The following DSCAML1 variants were observed in gnomAD, a reference collection of about 807,000 sequenced individuals.
DSCAML1 encodes cell adhesion molecule DSCAML1.
DSCAML1 carries 38 observed loss-of-function variants against 200.5 expected under a neutral mutation model. The ratio of observed to expected loss-of-function variants is 0.19; its 90% CI spans 0.15 to 0.25. The LOEUF is 0.25. Among genes scored for constraint, DSCAML1 ranks in the 10% least tolerant of loss-of-function variants. The pLI is 1.00. For synonymous variants in DSCAML1, 1,215 were observed against 1,165.0 expected (o/e 1.04, Z -0.87); for missense variants, 2,223 against 2,858.8 (o/e 0.78, Z 5.07).
chr11:117,776,986 G>A, intron 2 of DSCAML1, 49 bp from the exon 3 acceptor site: 1 of 1,602,912 alleles, frequency 6.2e-7, no homozygotes. Flanking sequence ...CAAGGATGTG[G>A]TGAGGGTCCC....
chr11:117,443,168 C>T (rs890474432), intron 21 of DSCAML1, among the ~76,000 whole-genome samples: 1 of 152,212 alleles, frequency 6.6e-6, no homozygotes, highest in African/African-American at 2.4e-5. Context: ...AGTAGAGGAC[C>T]TGCGGTCCTG....
chr11:117,698,859 C>G (rs982250199), intron 3 of DSCAML1, among the ~76,000 whole-genome samples: 5 of 152,216 alleles, frequency 3.3e-5, no homozygotes, highest in Non-Finnish European at 7.3e-5. Flanking sequence ...GCAGCCCAGA[C>G]AGCGGGATGC....
chr11:117,709,538 T>C (rs921665855), intron 3 of DSCAML1, among the ~76,000 whole-genome samples: 4 of 151,564 alleles, frequency 2.6e-5, no homozygotes, highest in African/African-American at 9.7e-5. Flanking sequence ...ATTGCGGGGG[T>C]TGGGGGGAGT....
At chr11:117,575,878 AAAAC>A (rs1565800082) in intron 3 of DSCAML1, among the ~76,000 whole-genome samples, 2 of 146,130 alleles carry the variant, frequency 1.4e-5, no homozygotes, top group Non-Finnish European at 3.1e-5. Flanking sequence ...AAAACAAAAC[AAAAC>A]AAACAAAAAA....
At chr11:117,594,365 C>G (rs1236573683) in intron 3 of DSCAML1, among the ~76,000 whole-genome samples, 1 of 152,196 alleles carries the variant, frequency 6.6e-6, no homozygotes, top group African/African-American at 2.4e-5. Flanking sequence ...CCCTCAGTCA[C>G]TCTGACACCC....
chr11:117,539,565 G>A (rs919139008), intron 3 of DSCAML1, among the ~76,000 whole-genome samples: 11 of 128,560 alleles, frequency 8.6e-5, no homozygotes, highest in African/African-American at 2.5e-4. Flanking sequence ...CTGAGATCAC[G>A]CCATTGCACT....
At chr11:117,584,963 T>C (rs1028139966) in intron 3 of DSCAML1, among the ~76,000 whole-genome samples, 3 of 152,202 alleles carry the variant, frequency 2.0e-5, no homozygotes, top group Non-Finnish European at 4.4e-5. Flanking sequence ...CAATACATAT[T>C]AGCTCTTATG....
At chr11:117,736,082 C>A (rs2054310625) in intron 3 of DSCAML1, among the ~76,000 whole-genome samples, 1 of 152,154 alleles carries the variant, frequency 6.6e-6, no homozygotes, top group Admixed American at 6.5e-5. Context: ...ACAAATCACC[C>A]CAAGACTCAG....
intron 11 of DSCAML1, among the ~76,000 whole-genome samples, chr11:117,499,373 C>G (rs1432046602): frequency 6.6e-6 from 1 of 152,132 alleles, no homozygotes; most frequent in African/African-American, 2.4e-5. Flanking sequence ...TGGAAGGGAA[C>G]TGGGGTCATC....
In DSCAML1 at chr11:117,797,018, C is replaced by T; in HGVS notation, c.46+16G>A. On this transcript the variant is annotated intron_variant, in intron 1 of 32. Coordinates refer to ENST00000651296, the MANE Select transcript of DSCAML1 (RefSeq NM_020693.4). Reference sequence around the variant, plus strand: ...CCCCGCCGCCTCCGCCGCCCAGCCGCCCGCGCAGGTCTCACCTTTGTGTAA... The same window carrying T: ...CCCCGCCGCCTCCGCCGCCCAGCCGTCCGCGCAGGTCTCACCTTTGTGTAA... 1 of 1,435,908 alleles carries T rather than the reference C, an allele frequency of 7.0e-7. No individual in the cohort carries two copies. Among genetic ancestry groups the T allele is most frequent in the Admixed American group, 2.3e-5 (1 of 43,468 alleles). 88.9% of individuals were successfully genotyped at this position (1,435,908 alleles called of 1,614,324 possible).
At chr11:117,708,279 C>G (rs1737824808) in intron 3 of DSCAML1, among the ~76,000 whole-genome samples, 1 of 152,198 alleles carries the variant, frequency 6.6e-6, no homozygotes. Flanking sequence ...GAGAGTGGCC[C>G]TCTCTGCTGG....
intron 14 of DSCAML1, among the ~76,000 whole-genome samples, chr11:117,475,253 G>A (rs936600985): frequency 6.6e-6 from 1 of 152,156 alleles, no homozygotes; most frequent in African/African-American, 2.4e-5. Context: ...CCTCTTACAG[G>A]TGAGCATTCC....
intron 3 of DSCAML1, among the ~76,000 whole-genome samples, chr11:117,739,678 AAG>A (rs1398794165): frequency 1.3e-5 from 2 of 152,174 alleles, no homozygotes; most frequent in Non-Finnish European, 1.5e-5. Flanking sequence ...GTACGACTCA[AAG>A]GCAACAGTGC....
chr11:117,442,507 TGTGTGTGTGC>T (rs1249771339), intron 21 of DSCAML1, among the ~76,000 whole-genome samples: 1 of 151,764 alleles, frequency 6.6e-6, no homozygotes, highest in Non-Finnish European at 1.5e-5. Flanking sequence ...GAGTGTGCAG[TGTGTGTGTGC>T]GTGTGTGTGT....
intron 11 of DSCAML1, among the ~76,000 whole-genome samples, chr11:117,487,227 C>T (rs2049091637): frequency 2.0e-5 from 3 of 152,004 alleles, no homozygotes; most frequent in African/African-American, 7.3e-5. Context: ...ACCTGGCTGT[C>T]ATTAAGTTTT....
intron 3 of DSCAML1, among the ~76,000 whole-genome samples, chr11:117,672,120 A>AAAAAAAAAAAAAAAAG (rs2053123686): frequency 6.6e-6 from 1 of 150,514 alleles, no homozygotes; most frequent in African/African-American, 2.4e-5. Context: ...AAAAAAAAAA[A>AAAAAAAAAAAAAAAAG]AAAGAAGAAA....
intron 3 of DSCAML1, among the ~76,000 whole-genome samples, chr11:117,723,142 C>T (rs901632938): frequency 6.6e-6 from 1 of 152,196 alleles, no homozygotes; most frequent in Non-Finnish European, 1.5e-5. Flanking sequence ...GTGGTAAGTG[C>T]TGTAGTATGT....
intron 18 of DSCAML1, among the ~76,000 whole-genome samples, chr11:117,460,176 T>C (rs943772516): frequency 2.6e-5 from 4 of 152,192 alleles, no homozygotes; most frequent in African/African-American, 9.6e-5. Context: ...CACCCTTTAC[T>C]TGGTTCCACA....
chr11:117,777,061 C>T, intron 2 of DSCAML1, 124 bp from the exon 3 acceptor site: 1 of 1,035,108 alleles, frequency 9.7e-7, no homozygotes, highest in Non-Finnish European at 1.4e-6. Context: ...CCACTTCTTC[C>T]TTCCCCCATC....
Sources: gnomAD v4.1 joint callset for allele counts (sites outside exome capture counted in the v4.1 genomes callset) on GRCh38, gnomAD v4.1.1 for gene constraint, MANE v1.5 for transcripts, NCBI Gene and HGNC (gene_info 2026-07-23, HGNC 2026-07-21) for gene names.